Variants in PKNOX2 observed in about 807,000 individuals in gnomAD.
PKNOX2 encodes the protein PBX/knotted 1 homeobox 2.
In PKNOX2, 14 loss-of-function variants were observed where a neutral mutation model predicts 53.1. The ratio of observed to expected loss-of-function variants is 0.26; its 90% CI spans 0.17 to 0.41. PKNOX2 has a LOEUF of 0.41. PKNOX2 is among the 10% of genes least tolerant of loss of function. The pLI, the probability that PKNOX2 is intolerant of heterozygous loss-of-function variation, is 1.00. For missense variants in PKNOX2, 496 were observed against 602.8 expected (o/e 0.82, Z 1.85); for synonymous variants, 257 against 242.8 (o/e 1.06, Z -0.54).
At chr11:125,328,416 A>G (rs1299571110) in intron 2 of PKNOX2, among the ~76,000 whole-genome samples, 1 of 151,938 alleles carries the variant, frequency 6.6e-6, no homozygotes, top group East Asian at 1.9e-4. Flanking sequence ...ACAGAGACAG[A>G]TAGTATGTGT....
At chr11:125,318,176 G>A (rs1462967021) in intron 2 of PKNOX2, among the ~76,000 whole-genome samples, 1 of 151,852 alleles carries the variant, frequency 6.6e-6, no homozygotes, top group Non-Finnish European at 1.5e-5. Context: ...GTGCAATCTC[G>A]ACTCACTGCA....
chr11:125,219,460 A>G (rs1019686660), intron 1 of PKNOX2, among the ~76,000 whole-genome samples: 13 of 152,198 alleles, frequency 8.5e-5, no homozygotes, highest in Admixed American at 2.6e-4. Flanking sequence ...AAAATTATAA[A>G]CAAAGCTAAG....
At chr11:125,410,059 C>T (rs1484844083) in intron 7 of PKNOX2, 137 bp from the exon 8 acceptor site, 2 of 1,214,066 alleles carry the variant, frequency 1.6e-6, no homozygotes, top group East Asian at 5.0e-5. Flanking sequence ...GAGTTGCCTT[C>T]TGGACCTGGG....
chr11:125,173,860 G>C (rs1218737986), intron 1 of PKNOX2, among the ~76,000 whole-genome samples: 2 of 152,188 alleles, frequency 1.3e-5, no homozygotes, highest in Non-Finnish European at 2.9e-5. Context: ...AAACACCAAG[G>C]GGAGTTTAGC....
chr11:125,202,446 C>G (rs1321823665), intron 1 of PKNOX2, among the ~76,000 whole-genome samples: 1 of 152,224 alleles, frequency 6.6e-6, no homozygotes, highest in Non-Finnish European at 1.5e-5. Flanking sequence ...GACCCCATAC[C>G]CTCCAGGGAT....
chr11:125,343,954 G>T (rs556966173), intron 3 of PKNOX2, among the ~76,000 whole-genome samples: 1 of 152,238 alleles, frequency 6.6e-6, no homozygotes, highest in Non-Finnish European at 1.5e-5. Flanking sequence ...AGGGCAGGAC[G>T]GTGGGGCTCC....
At chr11:125,420,063 TGTAGTCCCAGCTATTTGTGGGCCTGAG>T (rs1956091622) in intron 10 of PKNOX2, among the ~76,000 whole-genome samples, 1 of 151,146 alleles carries the variant, frequency 6.6e-6, no homozygotes, top group Admixed American at 6.6e-5. Flanking sequence ...GGTGGGCACC[TGTAGTCCCAGCTATTTGTGGGCCTGAG>T]GTAGGAGGAT....
intron 7 of PKNOX2, chr11:125,409,986 ACT>A (rs1315312520): frequency 1.7e-6 from 1 of 584,178 alleles, no homozygotes; most frequent in East Asian, 3.1e-5. Context: ...TAAATGGGTG[ACT>A]CTTTTTGTTT....
At chr11:125,216,408 GA>G (rs888660331) in intron 1 of PKNOX2, among the ~76,000 whole-genome samples, 5 of 152,308 alleles carry the variant, frequency 3.3e-5, no homozygotes, top group African/African-American at 1.2e-4. Context: ...GCAGGAAGAG[GA>G]CAGATAAACT....
intron 2 of PKNOX2, among the ~76,000 whole-genome samples, chr11:125,287,127 T>G (rs1200898632): frequency 2.6e-5 from 4 of 152,078 alleles, no homozygotes; most frequent in Non-Finnish European, 5.9e-5. Context: ...CCTCATTGGG[T>G]ACATATTTTA....
chr11:125,215,620 T>C (rs1940405914), intron 1 of PKNOX2, among the ~76,000 whole-genome samples: 1 of 151,922 alleles, frequency 6.6e-6, no homozygotes, highest in South Asian at 2.1e-4. Context: ...GGCATAGTGG[T>C]GTGCACCAGT....
intron 2 of PKNOX2, chr11:125,287,876 C>T (rs982047833): frequency 1.3e-5 from 2 of 152,310 alleles, no homozygotes; most frequent in Non-Finnish European, 2.9e-5. Context: ...GGGCAAGCGA[C>T]TTGGAAGCCA....
rs186307180 is a variant in PKNOX2 at position 125,364,447 on chromosome 11, G to A, written c.88-3399G>A. ...ATTTTATTCTGAGCTTCCCTCCAGGGCCTTCCCCCCACACCTTTCCCCAAA... is the reference window on the plus strand; with the variant it reads ...ATTTTATTCTGAGCTTCCCTCCAGGACCTTCCCCCCACACCTTTCCCCAAA... On this transcript the variant is annotated intron_variant, in intron 4 of 12. Transcript: ENST00000298282. Among the ~76,000 whole-genome samples the A allele has an allele frequency of 4.7e-4, 71 of 152,246 alleles. No individual in the cohort carries two copies. In the East Asian group the frequency reaches 7.0e-3, roughly 15 times the overall value.
At chr11:125,264,626 G>T (rs1347696794) in intron 2 of PKNOX2, among the ~76,000 whole-genome samples, 1 of 152,052 alleles carries the variant, frequency 6.6e-6, no homozygotes, top group African/African-American at 2.4e-5. Flanking sequence ...TCTACTCTGT[G>T]AAATTATTCC....
At chr11:125,394,287 C>CA (rs1242110683) in intron 6 of PKNOX2, among the ~76,000 whole-genome samples, 10 of 152,186 alleles carry the variant, frequency 6.6e-5, no homozygotes, top group Admixed American at 4.6e-4. Flanking sequence ...CTTTGGGGTC[C>CA]AAATGATCCA....
At chr11:125,409,217 C>G (rs1468712159) in intron 7 of PKNOX2, among the ~76,000 whole-genome samples, 2 of 152,214 alleles carry the variant, frequency 1.3e-5, no homozygotes, top group Non-Finnish European at 2.9e-5. Flanking sequence ...AGCACCCAGC[C>G]TCCCAGTGCA....
At chr11:125,298,081 G>A (rs1246330261) in intron 2 of PKNOX2, among the ~76,000 whole-genome samples, 1 of 152,236 alleles carries the variant, frequency 6.6e-6, no homozygotes, top group Non-Finnish European at 1.5e-5. Context: ...CCCAGGCACA[G>A]TGAGGGCACT....
chr11:125,189,204 T>C (rs1956634933), intron 1 of PKNOX2, among the ~76,000 whole-genome samples: 1 of 151,638 alleles, frequency 6.6e-6, no homozygotes, highest in African/African-American at 2.4e-5. Context: ...CAGGGTTCAC[T>C]GAGTTTCCTC....
chr11:125,351,186 C>T (rs1261127785), intron 3 of PKNOX2, 98 bp from the exon 4 acceptor site: 2 of 719,190 alleles, frequency 2.8e-6, no homozygotes, highest in African/African-American at 3.5e-5. Context: ...ATCCAGCCGG[C>T]CCAGGTGGCC....
Sources: allele counts gnomAD v4.1 joint callset (sites outside exome capture counted in the v4.1 genomes callset), GRCh38; gene constraint gnomAD v4.1.1; transcripts MANE v1.5; gene names NCBI Gene and HGNC (gene_info 2026-07-23, HGNC 2026-07-21).